The following OR4E2 variants were observed in gnomAD, a reference collection of about 807,000 sequenced individuals.
The protein encoded by OR4E2 is olfactory receptor family 4 subfamily E member 2.
A neutral mutation model predicts 11.0 loss-of-function variants in OR4E2; 9 were observed. The ratio of observed to expected loss-of-function variants is 0.82; its 90% confidence interval spans 0.49 to 1.43. The LOEUF (loss-of-function observed/expected upper bound fraction) is 1.43, where lower values mean the gene tolerates loss of function less well. OR4E2 is among the 40% of genes most tolerant of loss of function. The pLI is 0.00. For missense variants in OR4E2, 441 were observed against 382.0 expected (o/e 1.15, Z -1.29); for synonymous variants, 159 against 147.3 (o/e 1.08, Z -0.57).
At chr14:21,658,694 G>A (rs2139802320) in intron 2 of OR4E2, among the ~76,000 whole-genome samples, 1 of 152,294 alleles carries the variant, frequency 6.6e-6, no homozygotes, top group East Asian at 1.9e-4. Context: ...TTTCAAAAAG[G>A]GGAAAGTTGT....
chr14:21,663,608 G>A (rs929724811), intron 3 of OR4E2, among the ~76,000 whole-genome samples: 2 of 152,160 alleles, frequency 1.3e-5, no homozygotes, highest in Non-Finnish European at 1.5e-5. Flanking sequence ...GGTCAGGAAA[G>A]TTTTCTTAAA....
chr14:21,665,656 A>G lies in OR4E2; in HGVS notation c.574A>G (p.Thr192Ala). Residue 192 changes from threonine (T) to alanine (A), a missense_variant, in exon 4 of 4, where the codon ACA becomes GCA. Transcript: ENST00000641524. ...TGTTATCAAGCTGGCCTGCACAGAT[A>G]CATACCTCACAGGAATACTGATTGT... Reference protein sequence around the residue: ...PLVIKLACTDTYLTGILIVTN... With the variant: ...PLVIKLACTDAYLTGILIVTN... The G allele has an allele frequency of 1.2e-6, 2 of 1,614,204 alleles. No individual in the cohort carries two copies. The highest frequency in any genetic ancestry group is 1.7e-6 in the Non-Finnish European group (2 of 1,180,028).
chr14:21,664,108 T>TATATACCCAGTAATAACATGTGG (rs1880490127), intron 3 of OR4E2, among the ~76,000 whole-genome samples: 1 of 152,030 alleles, frequency 6.6e-6, no homozygotes. Context: ...TTTCCTTTGG[T>TATATACCCAGTAATAACATGTGG]TATATACCCA....
intron 3 of OR4E2, among the ~76,000 whole-genome samples, chr14:21,663,464 A>G (rs1880447810): frequency 6.8e-6 from 1 of 146,404 alleles, no homozygotes; most frequent in Admixed American, 7.1e-5. Flanking sequence ...TGGGCAACAG[A>G]GCAAGACTCC....
intron 2 of OR4E2, among the ~76,000 whole-genome samples, chr14:21,657,449 TTCCTTC>T (rs1880051108): frequency 1.4e-4 from 2 of 14,546 alleles, no homozygotes; most frequent in African/African-American, 6.5e-4. Flanking sequence ...CTTTCCTTCC[TTCCTTC>T]CTTCCTTCCT....
intron 2 of OR4E2, among the ~76,000 whole-genome samples, chr14:21,658,049 G>T (rs1468568576): frequency 6.6e-6 from 1 of 152,002 alleles, no homozygotes; most frequent in Admixed American, 6.6e-5. Context: ...ATACAGAGAA[G>T]AATCAAATCT....
At chr14:21,657,197 G>T (rs1434904128) in intron 2 of OR4E2, among the ~76,000 whole-genome samples, 1 of 152,184 alleles carries the variant, frequency 6.6e-6, no homozygotes, top group Non-Finnish European at 1.5e-5. Context: ...TTAGTTTTGG[G>T]CTGTTCTGGA....
At chr14:21,661,924 G>C (rs1880350799) in intron 3 of OR4E2, among the ~76,000 whole-genome samples, 1 of 152,102 alleles carries the variant, frequency 6.6e-6, no homozygotes, top group African/African-American at 2.4e-5. Flanking sequence ...AGGTATGAGT[G>C]TTTAAAATTT....
Position 21,666,102 on chromosome 14 carries a change from T to C in OR4E2, c.*78T>C, listed in dbSNP as rs1182283586. The C allele has an allele frequency of 3.2e-5, 33 of 1,021,944 alleles. No individual in the cohort carries two copies. In the Admixed American group the frequency reaches 7.8e-4, roughly 24 times the overall value. 63.3% of individuals were successfully genotyped at this position (1,021,944 alleles called of 1,614,324 possible). A position where few individuals can be genotyped will look rare whatever the true frequency, so the allele number is the denominator to read the frequency against. On this transcript the variant is annotated 3_prime_UTR_variant, in exon 4 of 4. Coordinates refer to ENST00000641524, the MANE Select transcript of OR4E2 (RefSeq NM_001001912.3). ...AAAGTAAAGAGTCAAAATCAACTTA[T>C]ATAACTTGGTAAATTAGGTAAAATG...
At chr14:21,654,755 A>AGAGG (rs1879853101) in intron 1 of OR4E2, among the ~76,000 whole-genome samples, 1 of 151,572 alleles carries the variant, frequency 6.6e-6, no homozygotes, top group Admixed American at 6.6e-5. Context: ...AATGAGAGAG[A>AGAGG]GAGAGAGAGA....
chr14:21,655,475 G>A (rs1294248780), intron 1 of OR4E2, among the ~76,000 whole-genome samples: 3 of 151,922 alleles, frequency 2.0e-5, no homozygotes, highest in African/African-American at 4.8e-5. Context: ...GACCAACCTG[G>A]GAAACATAGT....
rs761761991 is a variant in OR4E2, at chr14:21,665,400, C to T, written c.318C>T (p.Leu106=). 2 of 1,614,112 alleles carry T rather than the reference C, an allele frequency of 1.2e-6. No homozygotes were observed. The highest frequency in any genetic ancestry group is 3.3e-5 in the Admixed American group (2 of 60,018). ...TCACACAGCTCTTCTTCCTACATCT[C>T]TTTGCCTGTGCCGAGATCTTTCTGC... ...NCITQLFFLH[L]FACAEIFLLI... The change falls in exon 4 of 4, where the codon CTC becomes CTT. Residue 106 remains leucine, a synonymous_variant. Transcript: ENST00000641524.
At position 21,665,527 on chromosome 14, in the gene OR4E2, T is replaced by C. The variant is rs1295888517; in HGVS notation, c.445T>C (p.Trp149Arg). The change falls in exon 4 of 4, where the codon TGG becomes CGG. Residue 149 changes from tryptophan (W) to arginine (R), a missense_variant. Coordinates refer to ENST00000641524, the MANE Select transcript of OR4E2 (RefSeq NM_001001912.3). ...CTGTATACAGCTTGTCTTTGCTCTC[T>C]GGTTGGGGGGTACTGTTCACTCACT... is the stretch of plus-strand genomic sequence containing the variant. ...RVCIQLVFAL[W>R]LGGTVHSLGQ... The C allele has an allele frequency of 1.9e-6, 3 of 1,614,072 alleles. No homozygotes were observed. Among genetic ancestry groups the C allele is most frequent in the Non-Finnish European group, 2.5e-6 (3 of 1,180,038 alleles).
At chr14:21,655,812 C>A (rs1244803636) in intron 1 of OR4E2, among the ~76,000 whole-genome samples, 1 of 151,928 alleles carries the variant, frequency 6.6e-6, no homozygotes, top group African/African-American at 2.4e-5. Flanking sequence ...TTGTTGAATG[C>A]GTCTTAAAAT....
At chr14:21,657,016 A>G (rs1437064424) in intron 2 of OR4E2, among the ~76,000 whole-genome samples, 1 of 152,178 alleles carries the variant, frequency 6.6e-6, no homozygotes, top group Non-Finnish European at 1.5e-5. Context: ...GGATTTGAAT[A>G]CCTAGAACAG....
Position 21,665,827 on chromosome 14 carries a change from C to T in OR4E2, c.745C>T (p.Leu249Phe), listed in dbSNP as rs1382593164. ...CTCGGCCCACTTCATGGTGGTTGCCCTCTTCTTTGGGCCATGTATCTTCAT... is the reference window on the plus strand; with the variant it reads ...CTCGGCCCACTTCATGGTGGTTGCCTTCTTCTTTGGGCCATGTATCTTCAT... ...TCSAHFMVVA[L>F]FFGPCIFIYT... The change falls in exon 4 of 4, where the codon CTC (leucine) becomes TTC (phenylalanine). Residue 249 changes from leucine (L) to phenylalanine (F), a missense_variant. By Grantham distance (22) the Leu-to-Phe change is conservative (BLOSUM62 0). Transcript: ENST00000641524. 1 of 1,612,422 alleles carries T rather than the reference C, an allele frequency of 6.2e-7. No homozygotes were observed. Among genetic ancestry groups the T allele is most frequent in the African/African-American group, 1.3e-5 (1 of 74,836 alleles).
chr14:21,665,330 A>G lies in OR4E2; in HGVS notation c.248A>G (p.Glu83Gly), dbSNP rs551067610. ...TCTGTCACTGTGCCTAAGATGTTGG[A>G]GGGTTTGCTTTTAGAAAGAAAGACC... is the stretch of plus-strand genomic sequence containing the variant. ...HSSVTVPKML[E>G]GLLLERKTIS... Residue 83 changes from glutamate to glycine, a missense_variant, in exon 4 of 4, where the codon GAG (glutamate) becomes GGG (glycine). Coordinates refer to ENST00000641524, the MANE Select transcript of OR4E2 (RefSeq NM_001001912.3). 4.2e-5 allele frequency: 68 copies of G among 1,614,078 alleles called. No individual in the cohort carries two copies. The East Asian group carries it at 1.2e-3, about 29-fold the overall frequency.
At position 21,667,542 on chromosome 14, in the gene OR4E2, A is replaced by G. The variant is rs1357893374; in HGVS notation, c.*1518A>G. On this transcript the variant is annotated 3_prime_UTR_variant, in exon 4 of 4. Coordinates refer to ENST00000641524, the MANE Select transcript of OR4E2 (RefSeq NM_001001912.3). The stretch of plus-strand genomic sequence containing the variant: ...ATGGTCAGTCCCCTATAATTCTCAT[A>G]TAAAACTTGAGTCATAGTAAGAGTT... 1 of 152,214 alleles carries G rather than the reference A, an allele frequency of 6.6e-6. No homozygotes were observed. The highest frequency in any genetic ancestry group is 2.4e-5 in the African/African-American group (1 of 41,452). The allele number at this position is 152,214 out of a possible 1,614,324, so 9.4% of individuals were successfully genotyped here. A position where few individuals can be genotyped will look rare whatever the true frequency, so the allele number is the denominator to read the frequency against.
At chr14:21,664,301 A>G (rs1376121744) in intron 3 of OR4E2, among the ~76,000 whole-genome samples, 1 of 152,160 alleles carries the variant, frequency 6.6e-6, no homozygotes, top group Non-Finnish European at 1.5e-5. Context: ...ATAATAGCCA[A>G]TGGTATCTCA....
Sources: gnomAD v4.1 joint callset for allele counts (sites outside exome capture counted in the v4.1 genomes callset) on GRCh38, gnomAD v4.1.1 for gene constraint, MANE v1.5 for transcripts, NCBI Gene and HGNC (gene_info 2026-07-23, HGNC 2026-07-21) for gene names.